The following XPNPEP3 variants were observed in gnomAD, a reference collection of about 807,000 sequenced individuals.
The protein encoded by XPNPEP3 is X-prolyl aminopeptidase 3.
In XPNPEP3, 41 loss-of-function variants were observed where a neutral mutation model predicts 60.0. The ratio of observed to expected loss-of-function variants is 0.68; its 90% CI spans 0.53 to 0.89. The LOEUF (loss-of-function observed/expected upper bound fraction) is 0.89, where lower values mean the gene tolerates loss of function less well. XPNPEP3 is among the 40% of genes least tolerant of loss of function. XPNPEP3 has a pLI of 0.00. For missense variants in XPNPEP3, 598 were observed against 638.9 expected (o/e 0.94, Z 0.69); for synonymous variants, 212 against 223.2 (o/e 0.95, Z 0.45).
intron 1 of XPNPEP3, among the ~76,000 whole-genome samples, chr22:40,864,973 C>T (rs1207306481): frequency 1.3e-5 from 2 of 152,172 alleles, no homozygotes; most frequent in Non-Finnish European, 2.9e-5. Context: ...ATAGGAAATT[C>T]TGCTCTTAAG....
At chr22:40,913,968 AC>A (rs2058185769) in intron 6 of XPNPEP3, among the ~76,000 whole-genome samples, 1 of 151,924 alleles carries the variant, frequency 6.6e-6, no homozygotes, top group Non-Finnish European at 1.5e-5. Flanking sequence ...ACATGGAGAA[AC>A]CCCGTCCCTA....
At chr22:40,860,526 C>T in intron 1 of XPNPEP3, 1 of 697,218 alleles carries the variant, frequency 1.4e-6, no homozygotes, top group Non-Finnish European at 2.1e-6. Flanking sequence ...TTGATACATT[C>T]TTGTCTTCTA....
At position 40,929,189 on chromosome 22, in the gene XPNPEP3, T is replaced by A. The variant is rs1258181996; in HGVS notation, c.*2754T>A. 2 of 151,798 alleles carry A rather than the reference T, an allele frequency of 1.3e-5. No homozygotes were observed. Among genetic ancestry groups the A allele is most frequent in the Non-Finnish European group, 2.9e-5 (2 of 68,132 alleles). The allele number at this position is 151,798 out of a possible 1,614,324, so 9.4% of individuals were successfully genotyped here. A position where few individuals can be genotyped will look rare whatever the true frequency, so the allele number is the denominator to read the frequency against. On this transcript the variant is annotated 3_prime_UTR_variant, in exon 10 of 10. Transcript: ENST00000357137. ...TTCTTCTTGTATCATTTTCTTTTCTTTTCTTTTTTTTTTTTTTTTTGAGAC... is the reference window on the plus strand; with the variant it reads ...TTCTTCTTGTATCATTTTCTTTTCTATTCTTTTTTTTTTTTTTTTTGAGAC...
intron 4 of XPNPEP3, among the ~76,000 whole-genome samples, chr22:40,897,285 C>T (rs1251331003): frequency 6.6e-6 from 1 of 152,100 alleles, no homozygotes; most frequent in African/African-American, 2.4e-5. Flanking sequence ...ACCTCGGCCT[C>T]CCAAAGTGCT....
At chr22:40,858,523 T>A (rs1235877084) in intron 1 of XPNPEP3, among the ~76,000 whole-genome samples, 1 of 78,404 alleles carries the variant, frequency 1.3e-5, no homozygotes, top group Non-Finnish European at 2.4e-5. Context: ...CTGGAGAAGC[T>A]TTTTTTTTTT....
chr22:40,870,001 C>A, intron 2 of XPNPEP3: 1 of 469,822 alleles, frequency 2.1e-6, no homozygotes. Flanking sequence ...GTGAATGATA[C>A]CAGTATGTTT....
chr22:40,910,790 G>T (rs2146272048), intron 6 of XPNPEP3, among the ~76,000 whole-genome samples: 1 of 152,236 alleles, frequency 6.6e-6, no homozygotes, highest in African/African-American at 2.4e-5. Flanking sequence ...TGAATCATGA[G>T]GTCAGGAGTT....
intron 1 of XPNPEP3, chr22:40,860,055 A>T: frequency 6.6e-6 from 1 of 152,166 alleles, no homozygotes; most frequent in Non-Finnish European, 1.5e-5. Flanking sequence ...AAAATTTACC[A>T]TGTTACCCGT....
At chr22:40,871,058 T>C (rs540878465) in intron 2 of XPNPEP3, among the ~76,000 whole-genome samples, 12 of 151,758 alleles carry the variant, frequency 7.9e-5, no homozygotes, top group Admixed American at 7.2e-4. Flanking sequence ...TTTAAAGGCA[T>C]GTAATACTTA....
intron 7 of XPNPEP3, among the ~76,000 whole-genome samples, chr22:40,915,446 G>A (rs1373617374): frequency 6.6e-6 from 1 of 151,718 alleles, no homozygotes; most frequent in Non-Finnish European, 1.5e-5. Context: ...AATGGTACTC[G>A]GGAGGCTAAG....
chr22:40,923,494 C>T (rs2146281553), intron 8 of XPNPEP3, among the ~76,000 whole-genome samples: 1 of 152,082 alleles, frequency 6.6e-6, no homozygotes, highest in East Asian at 1.9e-4. Flanking sequence ...CTTCTGTTAT[C>T]AGTAAAAATG....
At chr22:40,861,203 G>A (rs1426521646) in intron 1 of XPNPEP3, 7 of 1,613,742 alleles carry the variant, frequency 4.3e-6, no homozygotes, top group South Asian at 1.1e-5. Context: ...CCTCATCATT[G>A]TCCACGAAAG....
At chr22:40,873,206 G>A (rs373176551) in intron 2 of XPNPEP3, among the ~76,000 whole-genome samples, 1 of 142,550 alleles carries the variant, frequency 7.0e-6, no homozygotes, top group African/African-American at 2.6e-5. Flanking sequence ...CCAGATTCAA[G>A]CAATTCTCCT....
chr22:40,927,955 C>T lies in XPNPEP3; in HGVS notation c.*1520C>T, dbSNP rs2058240933. On this transcript the variant is annotated 3_prime_UTR_variant, in exon 10 of 10. Transcript: ENST00000357137. ...GCTCCCTCTATAGATTCTTAATGCACTGACCCTCACAGGTTACCCTTTTAG... is the reference window on the plus strand; with the variant it reads ...GCTCCCTCTATAGATTCTTAATGCATTGACCCTCACAGGTTACCCTTTTAG... 1 of 151,536 alleles carries T rather than the reference C, an allele frequency of 6.6e-6. No individual in the cohort carries two copies. The highest frequency in any genetic ancestry group is 2.1e-4 in the South Asian group (1 of 4,812). 9.4% of individuals were successfully genotyped at this position (151,536 alleles called of 1,614,324 possible).
At chr22:40,926,117 A>T in intron 9 of XPNPEP3, 152 bp from the exon 10 acceptor site, 1 of 777,278 alleles carries the variant, frequency 1.3e-6, no homozygotes, top group Non-Finnish European at 2.2e-6. Flanking sequence ...GACATGTATT[A>T]TCTCATTTAA....
At chr22:40,901,482 G>A (rs1177116724) in intron 4 of XPNPEP3, among the ~76,000 whole-genome samples, 5 of 152,076 alleles carry the variant, frequency 3.3e-5, no homozygotes, top group African/African-American at 4.8e-5. Context: ...TGATCCACCC[G>A]CCTCAGCCTC....
intron 1 of XPNPEP3, chr22:40,861,410 A>T: frequency 6.2e-7 from 1 of 1,613,738 alleles, no homozygotes. Context: ...TATTTCTGCC[A>T]TTAACGATTT....
At chr22:40,909,626 G>A (rs1279705055) in intron 6 of XPNPEP3, among the ~76,000 whole-genome samples, 2 of 151,908 alleles carry the variant, frequency 1.3e-5, no homozygotes, top group South Asian at 2.1e-4. Context: ...TTAGCCAGGC[G>A]TGGTGGCACG....
intron 4 of XPNPEP3, among the ~76,000 whole-genome samples, chr22:40,887,777 T>C (rs1601502909): frequency 6.6e-6 from 1 of 152,210 alleles, no homozygotes; most frequent in South Asian, 2.1e-4. Context: ...CATAATCATA[T>C]TCCTGCTACG....
Sources: allele counts gnomAD v4.1 joint callset (sites outside exome capture counted in the v4.1 genomes callset), GRCh38; gene constraint gnomAD v4.1.1; transcripts MANE v1.5; gene names NCBI Gene and HGNC (gene_info 2026-07-23, HGNC 2026-07-21).